LAD1: variants seen among roughly 807,000 people sequenced by gnomAD.
LAD1 encodes ladinin-1.
A neutral mutation model predicts 54.2 loss-of-function variants in LAD1; 53 were observed. The ratio of observed to expected loss-of-function variants is 0.98; its 90% CI spans 0.78 to 1.23. LAD1 has a LOEUF of 1.23. Among genes scored for constraint, LAD1 ranks in the 50% most tolerant of loss-of-function variants. The pLI is 0.00. For synonymous variants in LAD1, 231 were observed against 257.7 expected, an observed-to-expected ratio of 0.90 and a Z score of 0.99; for missense variants, 637 against 653.3, an observed-to-expected ratio of 0.98 and a Z score of 0.27.
intron 4 of LAD1, 118 bp downstream of exon 4, chr1:201,385,583 G>A (rs1483999967): frequency 3.8e-6 from 3 of 781,564 alleles, no homozygotes; most frequent in Non-Finnish European, 6.9e-6. Context: ...GGAATCCAAA[G>A]CTCCTCTCTA....
chr1:201,383,199 C>A lies in LAD1; in HGVS notation c.1261G>T (p.Val421Phe). The A allele has an allele frequency of 6.2e-7, 1 of 1,613,992 alleles. No homozygotes were observed. Among genetic ancestry groups the A allele is most frequent in the Non-Finnish European group, 8.5e-7 (1 of 1,179,880 alleles). Reference protein sequence around the residue: ...YHTAIRRSESVKSRGLPCTEL... With the variant: ...YHTAIRRSESFKSRGLPCTEL... ...GTGCAAGGCAGACCCCGAGACTTGA[C>A]AGATTCTGATCTCTGGGAACCAAGA... is the stretch of plus-strand genomic sequence containing the variant. Residue 421 changes from valine (V) to phenylalanine (F), a missense_variant, in exon 7 of 10, where the codon GTC (valine) becomes TTC (phenylalanine). By Grantham distance (50) the Val-to-Phe change is conservative. Coordinates refer to ENST00000391967, the MANE Select transcript of LAD1 (RefSeq NM_005558.4).
intron 1 of LAD1, among the ~76,000 whole-genome samples, chr1:201,392,618 A>C: frequency 6.6e-6 from 1 of 152,228 alleles, no homozygotes; most frequent in South Asian, 2.1e-4. Flanking sequence ...AACCAGGGCC[A>C]GAGTGGCCCA....
chr1:201,394,336 A>G (rs1662250019), intron 1 of LAD1, among the ~76,000 whole-genome samples: 1 of 152,182 alleles, frequency 6.6e-6, no homozygotes, highest in South Asian at 2.1e-4. Context: ...CCATCACCCC[A>G]AGGGGAAAGG....
chr1:201,388,470 G>T (rs1246877319), intron 2 of LAD1, among the ~76,000 whole-genome samples: 1 of 151,884 alleles, frequency 6.6e-6, no homozygotes, highest in Non-Finnish European at 1.5e-5. Flanking sequence ...GGATCATGAG[G>T]TCAACAGATC....
At chr1:201,392,758 C>A (rs532110975) in intron 1 of LAD1, among the ~76,000 whole-genome samples, 1 of 151,606 alleles carries the variant, frequency 6.6e-6, no homozygotes, top group Non-Finnish European at 1.5e-5. Context: ...ATGATGGGAT[C>A]GCTCTATTTT....
intron 1 of LAD1, among the ~76,000 whole-genome samples, chr1:201,393,745 CAAA>C (rs55816688): frequency 6.6e-5 from 8 of 121,182 alleles, no homozygotes; most frequent in Non-Finnish European, 7.1e-5. Context: ...GACTCCATCT[CAAA>C]AAAAAAAAAA....
chr1:201,390,873 A>C (rs1361561858), intron 1 of LAD1, among the ~76,000 whole-genome samples: 3 of 152,114 alleles, frequency 2.0e-5, no homozygotes, highest in Admixed American at 2.0e-4. Flanking sequence ...GGCCTCCATC[A>C]CCGGGGGTGA....
chr1:201,399,001 G>A (rs565489880), intron 1 of LAD1, among the ~76,000 whole-genome samples: 2 of 152,184 alleles, frequency 1.3e-5, no homozygotes, highest in Admixed American at 6.5e-5. Context: ...CACAGGGGGG[G>A]CCATATCCCA....
At chr1:201,394,953 T>C (rs934325950) in intron 1 of LAD1, among the ~76,000 whole-genome samples, 3 of 152,158 alleles carry the variant, frequency 2.0e-5, no homozygotes, top group Non-Finnish European at 4.4e-5. Flanking sequence ...TATTTGTTTA[T>C]CCTCCTGTGG....
chr1:201,387,216 G>A (rs961516869), intron 2 of LAD1, 38 bp from the exon 3 acceptor site: 1 of 1,474,440 alleles, frequency 6.8e-7, no homozygotes, highest in African/African-American at 1.4e-5. Flanking sequence ...AGAGGATAGA[G>A]GTGGAAGATA....
intron 1 of LAD1, among the ~76,000 whole-genome samples, chr1:201,396,959 A>T (rs1662301693): frequency 6.6e-6 from 1 of 152,152 alleles, no homozygotes; most frequent in Non-Finnish European, 1.5e-5. Context: ...CCCCCTGCAG[A>T]CAGGCCTGGC....
At chr1:201,396,398 G>A (rs570619835) in intron 1 of LAD1, among the ~76,000 whole-genome samples, 21 of 151,718 alleles carry the variant, frequency 1.4e-4, no homozygotes, top group East Asian at 1.9e-4. Context: ...TCACTAGAGA[G>A]CTTGTTTTGA....
At position 201,386,497 on chromosome 1, in the gene LAD1, C is replaced by T. The variant is rs73076696; in HGVS notation, c.864G>A (p.Glu288=). ...CTGGCGGCTCCTGCGCCAGGGGCTG[C>T]TCTGAGGCTGTGGCCCTCTTTGGGG... ...KPAPKRATAS[E]QPLAQEPPAS... is the part of the protein sequence containing the mutation. The change falls in exon 3 of 10, where the codon GAG becomes GAA. Residue 288 remains glutamate, a synonymous_variant. Coordinates refer to ENST00000391967, the MANE Select transcript of LAD1 (RefSeq NM_005558.4). The T allele has an allele frequency of 1.2e-3, 1,900 of 1,581,996 alleles. 16 individuals carry two copies. The African/African-American group carries it at 0.024, about 20-fold the overall frequency.
intron 1 of LAD1, among the ~76,000 whole-genome samples, chr1:201,398,823 C>T (rs1662346591): frequency 6.6e-6 from 1 of 152,222 alleles, no homozygotes; most frequent in South Asian, 2.1e-4. Flanking sequence ...TCCAAGACGG[C>T]TCTCCCTGCT....
intron 1 of LAD1, among the ~76,000 whole-genome samples, chr1:201,398,102 G>T (rs1312601096): frequency 1.3e-5 from 2 of 152,140 alleles, no homozygotes; most frequent in African/African-American, 2.4e-5. Context: ...TGGGGAGGTG[G>T]CCCCCCAGTC....
At chr1:201,388,135 G>A (rs1304723655) in intron 2 of LAD1, among the ~76,000 whole-genome samples, 1 of 152,190 alleles carries the variant, frequency 6.6e-6, no homozygotes. Context: ...GCTCACACCT[G>A]TAATCCCAGC....
In LAD1 at chr1:201,385,824, G is replaced by A; in HGVS notation, c.1027-19C>T. 6.3e-7 allele frequency: 1 copy of A among 1,580,468 alleles called. No homozygotes were observed. The highest frequency in any genetic ancestry group is 8.7e-7 in the Non-Finnish European group (1 of 1,149,348). ...TTTTCACCTGGATGGAGCAGGGGGA[G>A]TGTCACATAAGAGGTCTAGGGCCCA... On this transcript the variant is annotated intron_variant, in intron 3 of 9. Transcript: ENST00000391967.
chr1:201,384,850 A>T lies in LAD1; in HGVS notation c.1132-15T>A, dbSNP rs1662041815. 6.2e-7 allele frequency: 1 copy of T among 1,613,530 alleles called. No individual in the cohort carries two copies. Among genetic ancestry groups the T allele is most frequent in the South Asian group, 1.1e-5 (1 of 91,046 alleles). On this transcript the variant is annotated splice_polypyrimidine_tract_variant and intron_variant, in intron 4 of 9. Coordinates refer to ENST00000391967, the MANE Select transcript of LAD1 (RefSeq NM_005558.4). Reference sequence around the variant, plus strand: ...TTGGGTTTCATCTGAAATGAGAAGGAAAGGCATTGTTGTGTGGGAGTCCCC... The same window carrying T: ...TTGGGTTTCATCTGAAATGAGAAGGTAAGGCATTGTTGTGTGGGAGTCCCC...
At chr1:201,383,740 C>A (rs374634131) in intron 5 of LAD1, among the ~76,000 whole-genome samples, 28 of 152,334 alleles carry the variant, frequency 1.8e-4, no homozygotes, top group African/African-American at 6.3e-4. Context: ...GAGCTCTCCA[C>A]ATGGCTGCTC....
Sources: allele counts gnomAD v4.1 joint callset (sites outside exome capture counted in the v4.1 genomes callset), GRCh38; gene constraint gnomAD v4.1.1; transcripts MANE v1.5; gene names NCBI Gene and HGNC (gene_info 2026-07-23, HGNC 2026-07-21).